Variants in LRCH3 observed in about 807,000 individuals in gnomAD.
The protein encoded by LRCH3 is leucine rich repeats and calponin homology domain containing 3.
In LRCH3, 68 loss-of-function variants were observed where a neutral mutation model predicts 104.5. The observed-to-expected ratio is 0.65, with a 90% CI of 0.54 to 0.80. LRCH3 has a LOEUF of 0.80. Ranked by LOEUF, LRCH3 falls within the 30% of genes least tolerant of loss-of-function variation. LRCH3 has a pLI of 0.00. For synonymous variants in LRCH3, 344 were observed against 361.3 expected (o/e 0.95, Z 0.54); for missense variants, 951 against 953.9 (o/e 1.00, Z 0.04).
intron 12 of LRCH3, chr3:197,850,907 T>C: frequency 1.2e-6 from 1 of 842,994 alleles, no homozygotes; most frequent in Non-Finnish European, 2.1e-6. Flanking sequence ...AACCTCTTGA[T>C]TTGCATGATT....
intron 1 of LRCH3, among the ~76,000 whole-genome samples, chr3:197,804,578 C>A (rs1212834613): frequency 6.6e-6 from 1 of 152,136 alleles, no homozygotes; most frequent in East Asian, 1.9e-4. Context: ...GGCTTTCCAC[C>A]CAAAATTGTT....
intron 6 of LRCH3, 73 bp downstream of exon 6, chr3:197,829,746 G>A (rs1735679670): frequency 1.9e-6 from 2 of 1,047,244 alleles, no homozygotes; most frequent in South Asian, 1.5e-5. Context: ...ACTTAAATTT[G>A]CCTGAATGTT....
rs1713864192 is a variant in LRCH3, at chr3:197,882,527, A to C, written c.2209-1014A>C. The C allele has an allele frequency of 3.2e-6, 3 of 940,904 alleles. No individual in the cohort carries two copies. In the South Asian group the frequency reaches 1.5e-4, roughly 46 times the overall value. The allele number at this position is 940,904 out of a possible 1,614,324, so 58.3% of individuals were successfully genotyped here. A position where few individuals can be genotyped will look rare whatever the true frequency, so the allele number is the denominator to read the frequency against. On this transcript the variant is annotated intron_variant, in intron 20 of 20. Transcript: ENST00000425562. ...CGTCTCAATGAAAAGCAAAACAAAA[A>C]ACAAAAAACAAAAAAACCCAACTAG...
chr3:197,797,353 A>G (rs1419563981), intron 1 of LRCH3, among the ~76,000 whole-genome samples: 1 of 133,658 alleles, frequency 7.5e-6, no homozygotes, highest in Non-Finnish European at 1.6e-5. Flanking sequence ...AAAAAGATGT[A>G]GAGTGAAGTT....
At chr3:197,848,046 C>G in intron 12 of LRCH3, 25 bp downstream of exon 12, 5 of 1,612,328 alleles carry the variant, frequency 3.1e-6, no homozygotes, top group Non-Finnish European at 4.2e-6. Context: ...TGATGCTGTT[C>G]AAGCTGCTGA....
At chr3:197,825,337 C>T (rs1450717545) in intron 4 of LRCH3, among the ~76,000 whole-genome samples, 10 of 145,226 alleles carry the variant, frequency 6.9e-5, no homozygotes, top group East Asian at 2.0e-4. Flanking sequence ...CCATATCTTC[C>T]GTTTTGGGAA....
Position 197,835,767 on chromosome 3 carries a change from A to C in LRCH3, c.1196A>C (p.Asp399Ala). ...AGACAGCCCAAGGGACCAGACCCAG[A>C]CAGCCTTAGTTCACAGTTTATGGCG... Reference protein sequence around the residue: ...EVRQPKGPDPDSLSSQFMAYI... With the variant: ...EVRQPKGPDPASLSSQFMAYI... The change falls in exon 9 of 21, where the codon GAC (aspartate) becomes GCC (alanine). Residue 399 changes from aspartate (D) to alanine (A), a missense_variant. Asp to Ala is a moderately radical substitution (Grantham distance 126). Transcript: ENST00000425562. The C allele has an allele frequency of 6.2e-7, 1 of 1,614,144 alleles. No individual in the cohort carries two copies. Among genetic ancestry groups the C allele is most frequent in the South Asian group, 1.1e-5 (1 of 91,084 alleles).
At chr3:197,797,859 CAA>C (rs749696923) in intron 1 of LRCH3, among the ~76,000 whole-genome samples, 706 of 23,198 alleles carry the variant, frequency 0.03, 10 homozygotes, top group African/African-American at 0.054. Flanking sequence ...GACTCCATCT[CAA>C]AAAAAAAAAA....
chr3:197,820,914 G>A (rs1734426064), intron 4 of LRCH3, among the ~76,000 whole-genome samples: 1 of 151,958 alleles, frequency 6.6e-6, no homozygotes, highest in Admixed American at 6.6e-5. Flanking sequence ...GAAATCTAAT[G>A]GTTTATTTAA....
chr3:197,841,775 C>T (rs1167960312), intron 10 of LRCH3, among the ~76,000 whole-genome samples: 1 of 152,122 alleles, frequency 6.6e-6, no homozygotes, highest in Non-Finnish European at 1.5e-5. Context: ...GGCGTTTAGT[C>T]TGCCACAGTG....
intron 20 of LRCH3, among the ~76,000 whole-genome samples, chr3:197,879,624 AT>A (rs1169998533): frequency 3.3e-5 from 5 of 151,566 alleles, no homozygotes; most frequent in Non-Finnish European, 5.9e-5. Flanking sequence ...CTCAAAAAAA[AT>A]AAAAAATAAA....
chr3:197,873,771 C>G (rs2109538100), intron 19 of LRCH3, among the ~76,000 whole-genome samples: 1 of 152,054 alleles, frequency 6.6e-6, no homozygotes, highest in South Asian at 2.1e-4. Flanking sequence ...GCCTGTAATC[C>G]CAGCACTTTG....
chr3:197,814,816 G>A, intron 1 of LRCH3, 92 bp from the exon 2 acceptor site: 3 of 1,107,746 alleles, frequency 2.7e-6, no homozygotes, highest in Non-Finnish European at 3.8e-6. Flanking sequence ...AAGAATAATA[G>A]TTTTATTTTT....
chr3:197,851,828 C>G (rs1252262410), intron 12 of LRCH3, among the ~76,000 whole-genome samples: 2 of 152,232 alleles, frequency 1.3e-5, no homozygotes, highest in South Asian at 4.2e-4. Flanking sequence ...AAAAAAGAAG[C>G]TCCCAAAGCA....
Position 197,879,080 on chromosome 3 carries a change from G to A in LRCH3, c.2208+3305G>A, listed in dbSNP as rs972584562. Among the ~76,000 whole-genome samples the A allele has an allele frequency of 1.3e-5, 2 of 152,128 alleles. 1 individual carries two copies. Among genetic ancestry groups the A allele is most frequent in the Non-Finnish European group, 2.9e-5 (2 of 68,018 alleles). ...AACCTCTGATGACATTGGGCATGTGGGTATTTGCTTTATTTTTATGCTTCT... is the reference window on the plus strand; with the variant it reads ...AACCTCTGATGACATTGGGCATGTGAGTATTTGCTTTATTTTTATGCTTCT... On this transcript the variant is annotated intron_variant, in intron 20 of 20. Coordinates refer to ENST00000425562, the MANE Select transcript of LRCH3 (RefSeq NM_001365715.1).
At chr3:197,823,727 A>G (rs112044962) in intron 4 of LRCH3, among the ~76,000 whole-genome samples, 4,019 of 149,026 alleles carry the variant, frequency 0.027, 80 homozygotes, top group East Asian at 0.057. Flanking sequence ...CAAGCAATCC[A>G]CCCACCTCAG....
Position 197,883,093 on chromosome 3 carries a change from A to G in LRCH3, c.2209-448A>G, listed in dbSNP as rs1191225981. 2.0e-6 allele frequency: 2 copies of G among 985,870 alleles called. No individual in the cohort carries two copies. The highest frequency in any genetic ancestry group is 2.4e-6 in the Non-Finnish European group (2 of 830,250). The allele number at this position is 985,870 out of a possible 1,614,324, so 61.1% of individuals were successfully genotyped here. The stretch of plus-strand genomic sequence containing the variant: ...GCAGGCTGAGTTATGTTTTCAAACT[A>G]TCTTTCATTCTTGTGGTAGGGAACT... On this transcript the variant is annotated intron_variant, in intron 20 of 20. Transcript: ENST00000425562. The surrounding 1 kb of genome is among the most constrained non-coding windows in gnomAD (Gnocchi z 4.2).
chr3:197,801,195 T>C (rs922066063), intron 1 of LRCH3, among the ~76,000 whole-genome samples: 4 of 151,880 alleles, frequency 2.6e-5, no homozygotes, highest in Non-Finnish European at 5.9e-5. Flanking sequence ...AAGCATAATA[T>C]ATACGGTGCA....
chr3:197,795,453 G>T (rs1179089685), intron 1 of LRCH3, among the ~76,000 whole-genome samples: 2 of 152,038 alleles, frequency 1.3e-5, no homozygotes, highest in Non-Finnish European at 2.9e-5. Flanking sequence ...TGAATTTTTT[G>T]TTGAACTATT....
Sources: allele counts gnomAD v4.1 joint callset (sites outside exome capture counted in the v4.1 genomes callset), GRCh38; gene constraint gnomAD v4.1.1; non-coding constraint Gnocchi (gnomAD v3.1); transcripts MANE v1.5; gene names NCBI Gene and HGNC (gene_info 2026-07-23, HGNC 2026-07-21).